Variants in CNTNAP2 observed in about 807,000 individuals in gnomAD.
The protein encoded by CNTNAP2 is contactin-associated protein-like 2.
Under a neutral mutation model 155.2 loss-of-function variants are expected in CNTNAP2, and 98 were observed. The ratio of observed to expected loss-of-function variants is 0.63; its 90% CI spans 0.54 to 0.75. The LOEUF (loss-of-function observed/expected upper bound fraction) is 0.75. CNTNAP2 is among the 30% of genes least tolerant of loss of function. The pLI is 0.00. For synonymous variants in CNTNAP2, 651 were observed against 631.2 expected, an observed-to-expected ratio of 1.03 and a Z score of -0.47; for missense variants, 1,727 against 1,688.1, an observed-to-expected ratio of 1.02 and a Z score of -0.40.
At chr7:147,231,879 C>T (rs920844011) in intron 8 of CNTNAP2, among the ~76,000 whole-genome samples, 31 of 152,072 alleles carry the variant, frequency 2.0e-4, no homozygotes, top group African/African-American at 7.5e-4. Flanking sequence ...CATAGATTGC[C>T]TTTTTATTTT....
intron 7 of CNTNAP2, among the ~76,000 whole-genome samples, chr7:147,130,521 C>T (rs1054247027): frequency 6.6e-6 from 1 of 152,092 alleles, no homozygotes; most frequent in African/African-American, 2.4e-5. Flanking sequence ...TCTATAATTA[C>T]ATTTTATTTT....
chr7:146,638,419 G>T (rs1799635520), intron 1 of CNTNAP2, among the ~76,000 whole-genome samples: 1 of 150,194 alleles, frequency 6.7e-6, no homozygotes, highest in Non-Finnish European at 1.5e-5. Context: ...ATTAAAATAT[G>T]CAGATCTTCA....
At chr7:148,252,767 T>C (rs2116818175) in intron 20 of CNTNAP2, among the ~76,000 whole-genome samples, 1 of 152,194 alleles carries the variant, frequency 6.6e-6, no homozygotes, top group Admixed American at 6.5e-5. Flanking sequence ...TTCTCCTGAT[T>C]CATGCTCCCT....
chr7:147,636,569 T>C (rs1387375802), intron 12 of CNTNAP2, among the ~76,000 whole-genome samples: 1 of 152,108 alleles, frequency 6.6e-6, no homozygotes, highest in Non-Finnish European at 1.5e-5. Context: ...CATCAGGTAT[T>C]TGTCCTAATG....
intron 10 of CNTNAP2, among the ~76,000 whole-genome samples, chr7:147,404,478 C>G (rs1563191764): frequency 6.6e-6 from 1 of 152,172 alleles, no homozygotes; most frequent in Non-Finnish European, 1.5e-5. Flanking sequence ...TTCACCTTAA[C>G]TCGGTTTATT....
chr7:146,829,687 G>A (rs1224512324), intron 2 of CNTNAP2, among the ~76,000 whole-genome samples: 1 of 151,962 alleles, frequency 6.6e-6, no homozygotes, highest in African/African-American at 2.4e-5. Flanking sequence ...TGCATCACTG[G>A]AAAACCTTAC....
intron 8 of CNTNAP2, among the ~76,000 whole-genome samples, chr7:147,270,308 T>G (rs966300633): frequency 2.0e-5 from 3 of 147,822 alleles, no homozygotes; most frequent in Admixed American, 6.6e-5. Context: ...TGTATTTGTA[T>G]GTACATAGTT....
chr7:146,676,601 G>C (rs942415814), intron 1 of CNTNAP2, among the ~76,000 whole-genome samples: 12 of 152,036 alleles, frequency 7.9e-5, no homozygotes, highest in Non-Finnish European at 1.3e-4. Flanking sequence ...TTTTCATGCT[G>C]CTAATAAAGA....
chr7:146,568,515 CTA>C, intron 1 of CNTNAP2, among the ~76,000 whole-genome samples: 1 of 152,104 alleles, frequency 6.6e-6, no homozygotes, highest in Non-Finnish European at 1.5e-5. Context: ...TTTTCATAAA[CTA>C]TGCTTGCTTC....
intron 18 of CNTNAP2, among the ~76,000 whole-genome samples, chr7:148,191,032 C>T (rs1488004055): frequency 6.6e-6 from 1 of 152,180 alleles, no homozygotes; most frequent in African/African-American, 2.4e-5. Flanking sequence ...TCCATGGGGA[C>T]TATCTTTGTC....
intron 1 of CNTNAP2, among the ~76,000 whole-genome samples, chr7:146,608,803 A>G (rs922839701): frequency 1.6e-4 from 25 of 151,712 alleles, no homozygotes; most frequent in Admixed American, 2.0e-4. Flanking sequence ...TTGGGGGATG[A>G]TCTCCCTTTT....
chr7:146,829,112 T>C (rs73459343), intron 2 of CNTNAP2, among the ~76,000 whole-genome samples: 12,575 of 152,032 alleles, frequency 0.083, 1,612 homozygotes, highest in African/African-American at 0.28. Flanking sequence ...TCTTAAAATA[T>C]AATTGTTGTG....
intron 13 of CNTNAP2, among the ~76,000 whole-genome samples, chr7:147,703,163 A>T (rs1442234462): frequency 6.6e-6 from 1 of 151,312 alleles, no homozygotes; most frequent in Non-Finnish European, 1.5e-5. Context: ...CACATTACCA[A>T]CCTCCCCTTC....
In CNTNAP2 at chr7:148,152,481, T is replaced by G. The variant is rs1205800580; in HGVS notation, c.2773+4772T>G. Among the ~76,000 whole-genome samples, 3 of 152,026 alleles carry G rather than the reference T, an allele frequency of 2.0e-5. No homozygotes were observed. In the East Asian group the frequency reaches 5.8e-4, roughly 29 times the overall value. On this transcript the variant is annotated intron_variant, in intron 17 of 23. Coordinates refer to ENST00000361727, the MANE Select transcript of CNTNAP2 (RefSeq NM_014141.6). The stretch of plus-strand genomic sequence containing the variant: ...TGAAAAAAAAATCTCAAAAGACCAA[T>G]CTTAAGTTCTACAATAGTGATGTTA...
In CNTNAP2 at chr7:148,339,054, T is replaced by G. The variant is rs143205704; in HGVS notation, c.3476-44595T>G. Among the ~76,000 whole-genome samples, 19 of 152,324 alleles carry G rather than the reference T, an allele frequency of 1.2e-4. No homozygotes were observed. The East Asian group carries it at 3.7e-3, about 29-fold the overall frequency. Reference sequence around the variant, plus strand: ...TTGACCCAGTCTCTGTGTCTCTCTCTCTGCCAATAGCATCAAGCACAGTAA... The same window carrying G: ...TTGACCCAGTCTCTGTGTCTCTCTCGCTGCCAATAGCATCAAGCACAGTAA... On this transcript the variant is annotated intron_variant, in intron 21 of 23. Transcript: ENST00000361727.
At chr7:147,857,533 T>C (rs898151760) in intron 13 of CNTNAP2, among the ~76,000 whole-genome samples, 3 of 152,202 alleles carry the variant, frequency 2.0e-5, no homozygotes, top group Non-Finnish European at 4.4e-5. Context: ...ATAAACCTGA[T>C]AAATATTAAA....
intron 9 of CNTNAP2, among the ~76,000 whole-genome samples, chr7:147,323,381 C>T (rs201667516): frequency 0.11 from 13,097 of 123,790 alleles, 1,243 homozygotes; most frequent in East Asian, 0.63. Context: ...TGTAGTTGAG[C>T]GGCTTTGAGT....
intron 1 of CNTNAP2, among the ~76,000 whole-genome samples, chr7:146,661,242 C>T (rs1585029788): frequency 1.3e-5 from 2 of 152,094 alleles, no homozygotes; most frequent in African/African-American, 4.8e-5. Flanking sequence ...GGTGAAACCA[C>T]ACTTTCACTA....
chr7:148,278,407 A>G (rs191156727), intron 21 of CNTNAP2, among the ~76,000 whole-genome samples: 1 of 152,204 alleles, frequency 6.6e-6, no homozygotes, highest in East Asian at 1.9e-4. Context: ...GCTACTAAAA[A>G]ATACAAAAAA....
Sources: gnomAD v4.1 joint callset for allele counts (sites outside exome capture counted in the v4.1 genomes callset) on GRCh38, gnomAD v4.1.1 for gene constraint, MANE v1.5 for transcripts, NCBI Gene and HGNC (gene_info 2026-07-23, HGNC 2026-07-21) for gene names.